COL13A1: variants seen among roughly 807,000 people sequenced by gnomAD.
COL13A1 encodes collagen alpha-1(XIII) chain.
A neutral mutation model predicts 130.9 loss-of-function variants in COL13A1; 89 were observed. The observed-to-expected ratio is 0.68, with a 90% confidence interval of 0.57 to 0.81. The LOEUF (loss-of-function observed/expected upper bound fraction) is 0.81, where lower values mean the gene tolerates loss of function less well. Ranked by LOEUF, COL13A1 falls within the 30% of genes least tolerant of loss-of-function variation. The pLI, the probability that COL13A1 is intolerant of heterozygous loss-of-function variation, is 0.00. For missense variants in COL13A1, 879 were observed against 934.6 expected (o/e 0.94, Z 0.78); for synonymous variants, 402 against 341.6 (o/e 1.18, Z -1.95).
intron 2 of COL13A1, among the ~76,000 whole-genome samples, chr10:69,836,234 G>A (rs1052683704): frequency 6.6e-6 from 1 of 152,242 alleles, no homozygotes; most frequent in Non-Finnish European, 1.5e-5. Context: ...CTGCTGCAGA[G>A]ACCCAGGGCT....
intron 1 of COL13A1, among the ~76,000 whole-genome samples, chr10:69,814,341 G>A (rs1224041290): frequency 2.0e-5 from 3 of 152,208 alleles, no homozygotes; most frequent in Non-Finnish European, 4.4e-5. Context: ...GGAGGGACAT[G>A]GCAAGTGCAG....
chr10:69,817,929 A>G (rs1845021627), intron 1 of COL13A1, among the ~76,000 whole-genome samples: 2 of 152,152 alleles, frequency 1.3e-5, no homozygotes, highest in South Asian at 2.1e-4. Context: ...TACTCTTTCA[A>G]AATAAACTCT....
intron 22 of COL13A1, 131 bp downstream of exon 22, chr10:69,922,066 C>T (rs755696102): frequency 4.8e-5 from 57 of 1,190,366 alleles, no homozygotes; most frequent in Non-Finnish European, 6.0e-5. Flanking sequence ...AGCTGGAACA[C>T]AGCCAGATTC....
At chr10:69,936,097 GA>G (rs2066816396) in intron 32 of COL13A1, among the ~76,000 whole-genome samples, 1 of 89,870 alleles carries the variant, frequency 1.1e-5, no homozygotes, top group Non-Finnish European at 2.2e-5. Context: ...GGGAAGGAGG[GA>G]AGGGAGGAAG....
chr10:69,882,233 T>G (rs1478581366), intron 7 of COL13A1, among the ~76,000 whole-genome samples: 1 of 152,218 alleles, frequency 6.6e-6, no homozygotes, highest in African/African-American at 2.4e-5. Context: ...GCCATCTCCG[T>G]CTGCCTTCTG....
At chr10:69,936,149 GAAGGAAGGAAGGAAGGAAGGAAGGAAGGA>G (rs1187147905) in intron 32 of COL13A1, among the ~76,000 whole-genome samples, 1,010 of 6,336 alleles carry the variant, frequency 0.16, 73 homozygotes, top group Middle Eastern at 0.5. Context: ...AGGAAGGAAG[GAAGGAAGGAAGGAAGGAAGGAAGGAAGGA>G]AAGGAAAGGA....
chr10:69,882,373 G>T (rs1001743390), intron 7 of COL13A1, among the ~76,000 whole-genome samples: 1 of 150,018 alleles, frequency 6.7e-6, no homozygotes, highest in African/African-American at 2.4e-5. Context: ...GGGCAGTAGA[G>T]CCTCTGCTCC....
At chr10:69,944,207 C>A (rs369539804) in intron 36 of COL13A1, 29 bp downstream of exon 36, 1 of 1,607,004 alleles carries the variant, frequency 6.2e-7, no homozygotes, top group Non-Finnish European at 8.5e-7. Context: ...GGGGCCTGGG[C>A]GGCCAGGAGG....
intron 2 of COL13A1, among the ~76,000 whole-genome samples, chr10:69,844,869 C>G (rs1299981234): frequency 6.6e-6 from 1 of 152,236 alleles, no homozygotes; most frequent in Non-Finnish European, 1.5e-5. Context: ...TGGGATTGAG[C>G]TTTGCTCCTG....
chr10:69,900,348 T>TA (rs1337490898), intron 14 of COL13A1, among the ~76,000 whole-genome samples: 1 of 152,216 alleles, frequency 6.6e-6, no homozygotes, highest in African/African-American at 2.4e-5. Flanking sequence ...GCCATCTCAC[T>TA]ATCCCCCGCT....
chr10:69,934,636 G>A (rs1285763516), intron 31 of COL13A1, among the ~76,000 whole-genome samples: 1 of 152,228 alleles, frequency 6.6e-6, no homozygotes, highest in Non-Finnish European at 1.5e-5. Flanking sequence ...GTTCATCAGA[G>A]ACAGAAGCTG....
intron 2 of COL13A1, among the ~76,000 whole-genome samples, chr10:69,848,675 C>T (rs1305174786): frequency 1.3e-5 from 2 of 152,218 alleles, no homozygotes; most frequent in African/African-American, 4.8e-5. Context: ...TTCCCCACGC[C>T]ACACTTCTGC....
Position 69,802,352 on chromosome 10 carries a change from G to A in COL13A1, c.-72G>A. 7.3e-7 allele frequency: 1 copy of A among 1,376,304 alleles called. No homozygotes were observed. 85.3% of individuals were successfully genotyped at this position (1,376,304 alleles called of 1,614,324 possible). A position where few individuals can be genotyped will look rare whatever the true frequency, so the allele number is the denominator to read the frequency against. On this transcript the variant is annotated 5_prime_UTR_variant, in exon 1 of 41. Transcript: ENST00000645393. ...TTCCCCCTGCCCCGCAGTTTGGATA[G>A]AGCCTTTTGGCAGCGGCTGTCGCCT...
Position 69,888,346 on chromosome 10 carries a change from C to G in COL13A1, c.576+16C>G, listed in dbSNP as rs576125564. On this transcript the variant is annotated intron_variant, in intron 9 of 40. Transcript: ENST00000645393. ...CGGCAAACCGGTAAGTGGACCCGCT[C>G]TCTCCCCTCACTGCAGGTCAGTGAT... 4 of 1,611,432 alleles carry G rather than the reference C, an allele frequency of 2.5e-6. No individual in the cohort carries two copies. The highest frequency in any genetic ancestry group is 4.5e-5 in the East Asian group (2 of 44,822).
chr10:69,811,332 G>A (rs1208970669), intron 1 of COL13A1, among the ~76,000 whole-genome samples: 3 of 152,300 alleles, frequency 2.0e-5, no homozygotes, highest in Middle Eastern at 3.4e-3. Context: ...CTTTGCACCC[G>A]CTGCCCTCTG....
intron 2 of COL13A1, among the ~76,000 whole-genome samples, chr10:69,852,889 AG>A: frequency 6.6e-6 from 1 of 152,362 alleles, no homozygotes; most frequent in African/African-American, 2.4e-5. Flanking sequence ...CGGCTTTCCC[AG>A]TGCCTTGACA....
chr10:69,894,689 A>G lies in COL13A1; in HGVS notation c.645A>G (p.Gln215=), dbSNP rs756811518. 1 of 1,614,056 alleles carries G rather than the reference A, an allele frequency of 6.2e-7. No homozygotes were observed. Among genetic ancestry groups the G allele is most frequent in the Non-Finnish European group, 8.5e-7 (1 of 1,179,892 alleles). Reference sequence around the variant, plus strand: ...TCTCTTTGTAGGGACCCCAGGGACAAAAAGGAGAAAAGGTAAGAGCAGTGG... The same window carrying G: ...TCTCTTTGTAGGGACCCCAGGGACAGAAAGGAGAAAAGGTAAGAGCAGTGG... ...GPPGQPGPQG[Q]KGEKGQCGEY... The change falls in exon 12 of 41, where the codon CAA becomes CAG. Residue 215 remains glutamine (Q), a synonymous_variant. Transcript: ENST00000645393.
chr10:69,865,990 A>G (rs60126028), intron 2 of COL13A1, among the ~76,000 whole-genome samples: 2,726 of 152,334 alleles, frequency 0.018, 92 homozygotes, highest in African/African-American at 0.062. Flanking sequence ...CTATTGCATA[A>G]TGGAAAACCC....
At chr10:69,827,579 T>C (rs544003750) in intron 2 of COL13A1, among the ~76,000 whole-genome samples, 3 of 152,288 alleles carry the variant, frequency 2.0e-5, no homozygotes, top group Non-Finnish European at 4.4e-5. Context: ...CTAGCAGTGA[T>C]GTGGAGGCTG....
Sources: gnomAD v4.1 joint callset for allele counts (sites outside exome capture counted in the v4.1 genomes callset) on GRCh38, gnomAD v4.1.1 for gene constraint, MANE v1.5 for transcripts, NCBI Gene and HGNC (gene_info 2026-07-23, HGNC 2026-07-21) for gene names.